Variants in SULF1 observed in about 807,000 individuals in gnomAD.
SULF1 encodes the protein sulfatase 1.
In SULF1, 46 loss-of-function variants were observed where a neutral mutation model predicts 110.5. The ratio of observed to expected loss-of-function variants is 0.42; its 90% confidence interval spans 0.33 to 0.53. SULF1 has a LOEUF of 0.53. Ranked by LOEUF, SULF1 falls within the 20% of genes least tolerant of loss-of-function variation. SULF1 has a pLI of 0.12. For synonymous variants in SULF1, 371 were observed against 387.1 expected (o/e 0.96, Z 0.49); for missense variants, 941 against 1,094.2 (o/e 0.86, Z 1.98).
At chr8:69,473,300 G>T (rs1253449812) in intron 1 of SULF1, 5 of 152,302 alleles carry the variant, frequency 3.3e-5, no homozygotes, top group Middle Eastern at 6.8e-3. Flanking sequence ...AAGGGACTTG[G>T]ACATGCTACT....
intron 3 of SULF1, among the ~76,000 whole-genome samples, chr8:69,508,477 A>G (rs745472654): frequency 7.9e-5 from 12 of 152,180 alleles, no homozygotes; most frequent in Non-Finnish European, 1.8e-4. Flanking sequence ...GAAGTTCTCA[A>G]GTTTCCAAGA....
chr8:69,632,318 T>TA (rs1307795924), intron 19 of SULF1, among the ~76,000 whole-genome samples: 1 of 152,040 alleles, frequency 6.6e-6, no homozygotes, highest in Admixed American at 6.6e-5. Context: ...AAAGCCACAG[T>TA]AAAAAAATGC....
At chr8:69,631,977 T>C (rs2130629650) in intron 19 of SULF1, among the ~76,000 whole-genome samples, 1 of 152,370 alleles carries the variant, frequency 6.6e-6, no homozygotes, top group Middle Eastern at 3.4e-3. Context: ...ACTGTGAGTT[T>C]CTCAAGATAA....
At chr8:69,615,247 G>A (rs1351860542) in intron 13 of SULF1, among the ~76,000 whole-genome samples, 2 of 152,134 alleles carry the variant, frequency 1.3e-5, no homozygotes, top group Non-Finnish European at 2.9e-5. Flanking sequence ...TGCTTCATGA[G>A]TTTCAGAGCA....
At chr8:69,593,161 C>A (rs536348045) in intron 8 of SULF1, among the ~76,000 whole-genome samples, 1 of 152,304 alleles carries the variant, frequency 6.6e-6, no homozygotes, top group South Asian at 2.1e-4. Flanking sequence ...GTCTCCCTGG[C>A]TGCTGCTGGA....
intron 19 of SULF1, among the ~76,000 whole-genome samples, chr8:69,632,026 G>A (rs182875594): frequency 6.6e-6 from 1 of 152,320 alleles, no homozygotes; most frequent in Non-Finnish European, 1.5e-5. Flanking sequence ...CTGACCCAAA[G>A]GAATTGCTTA....
chr8:69,613,812 A>T (rs1808859426), intron 13 of SULF1, among the ~76,000 whole-genome samples: 1 of 152,194 alleles, frequency 6.6e-6, no homozygotes, highest in South Asian at 2.1e-4. Context: ...CATATAGTAC[A>T]TCTTTTCCTT....
rs535905196 is a variant in SULF1, at chr8:69,495,791, A to T, written c.-364A>T. 1.3e-5 allele frequency: 2 copies of T among 152,372 alleles called. No individual in the cohort carries two copies. Among genetic ancestry groups the T allele is most frequent in the South Asian group, 4.1e-4 (2 of 4,828 alleles). 9.4% of individuals were successfully genotyped at this position (152,372 alleles called of 1,614,324 possible). On this transcript the variant is annotated 5_prime_UTR_variant, in exon 2 of 23. Coordinates refer to ENST00000402687, the MANE Select transcript of SULF1 (RefSeq NM_001128205.2). ...GATTCTTCACTTCTCTTGAACAAGG[A>T]ACTCACTCAGAGACTAACACAAAGG...
chr8:69,565,799 C>A (rs2150724518), intron 5 of SULF1, among the ~76,000 whole-genome samples: 1 of 152,300 alleles, frequency 6.6e-6, no homozygotes, highest in East Asian at 1.9e-4. Flanking sequence ...CCCTGCCTGT[C>A]CCCAAGGCTG....
chr8:69,578,633 C>T (rs1219963789), intron 6 of SULF1, among the ~76,000 whole-genome samples: 1 of 151,654 alleles, frequency 6.6e-6, no homozygotes, highest in Non-Finnish European at 1.5e-5. Context: ...GTGTACACAC[C>T]GGAAGGCTTC....
intron 10 of SULF1, among the ~76,000 whole-genome samples, chr8:69,602,884 G>T (rs2130405449): frequency 6.6e-6 from 1 of 152,200 alleles, no homozygotes; most frequent in East Asian, 1.9e-4. Flanking sequence ...TGGACTATTG[G>T]GTTTTAAGCA....
At chr8:69,585,146 GGTGT>G (rs141955554) in intron 6 of SULF1, among the ~76,000 whole-genome samples, 3 of 150,264 alleles carry the variant, frequency 2.0e-5, no homozygotes, top group East Asian at 1.9e-4. Context: ...CATGCATAGG[GGTGT>G]GTGTGTGTGT....
At chr8:69,537,495 C>T (rs1373697416) in intron 3 of SULF1, among the ~76,000 whole-genome samples, 2 of 152,014 alleles carry the variant, frequency 1.3e-5, no homozygotes, top group Admixed American at 6.6e-5. Flanking sequence ...AAGAGTATAC[C>T]ATATTAAATA....
chr8:69,603,726 T>G (rs79706527), intron 12 of SULF1, 70 bp downstream of exon 12: 1 of 1,066,632 alleles, frequency 9.4e-7, no homozygotes, highest in Non-Finnish European at 1.5e-6. Flanking sequence ...TGAGTATTTT[T>G]TTTCTCCTTA....
intron 3 of SULF1, among the ~76,000 whole-genome samples, chr8:69,526,794 AAAGAAAGG>A (rs1186858204): frequency 1.2e-4 from 9 of 75,270 alleles, no homozygotes; most frequent in Non-Finnish European, 1.9e-4. Context: ...CTGTGTCAAG[AAAGAAAGG>A]AAGGAAGGAA....
At chr8:69,540,756 C>A (rs551609795) in intron 3 of SULF1, among the ~76,000 whole-genome samples, 1 of 152,296 alleles carries the variant, frequency 6.6e-6, no homozygotes, top group East Asian at 1.9e-4. Context: ...GTTATACCTT[C>A]TTTTTCCTCT....
intron 3 of SULF1, among the ~76,000 whole-genome samples, chr8:69,526,772 C>T (rs1812697465): frequency 7.3e-6 from 1 of 137,518 alleles, no homozygotes; most frequent in Admixed American, 7.8e-5. Flanking sequence ...GCATGGAAGA[C>T]AGAGTGAGAC....
intron 5 of SULF1, among the ~76,000 whole-genome samples, chr8:69,568,113 T>C (rs558165887): frequency 2.6e-5 from 4 of 152,364 alleles, no homozygotes; most frequent in African/African-American, 9.6e-5. Context: ...TGCAATTTTC[T>C]TTGCCAAGTG....
chr8:69,470,882 C>T (rs1287108844), intron 1 of SULF1, among the ~76,000 whole-genome samples: 1 of 152,220 alleles, frequency 6.6e-6, no homozygotes, highest in Non-Finnish European at 1.5e-5. Flanking sequence ...CACAGCATCT[C>T]TACTTTCTAG....
Sources: allele counts gnomAD v4.1 joint callset (sites outside exome capture counted in the v4.1 genomes callset), GRCh38; gene constraint gnomAD v4.1.1; transcripts MANE v1.5; gene names NCBI Gene and HGNC (gene_info 2026-07-23, HGNC 2026-07-21).